The following GINS4 variants were observed in gnomAD, a reference collection of about 807,000 sequenced individuals.
GINS4 encodes the protein DNA replication complex GINS protein SLD5.
A neutral mutation model predicts 31.1 loss-of-function variants in GINS4; 20 were observed. That is an observed-to-expected ratio of 0.64 (90% CI 0.45 to 0.93). The LOEUF (loss-of-function observed/expected upper bound fraction) is 0.93, where lower values mean the gene tolerates loss of function less well. GINS4 is among the 40% of genes least tolerant of loss of function. The probability of loss-of-function intolerance (pLI) is 0.00; values close to 1 mark genes in which losing one functional copy is unlikely to be tolerated. For synonymous variants in GINS4, 85 were observed against 97.9 expected (o/e 0.87, Z 0.78); for missense variants, 245 against 273.9 (o/e 0.89, Z 0.75).
chr8:41,533,466 A>C (rs1806684035), intron 2 of GINS4, among the ~76,000 whole-genome samples: 1 of 152,156 alleles, frequency 6.6e-6, no homozygotes. Context: ...GCTGGTGGGT[A>C]AGCTGCAGTA....
At chr8:41,538,476 G>A (rs1806778756) in intron 4 of GINS4, among the ~76,000 whole-genome samples, 1 of 152,072 alleles carries the variant, frequency 6.6e-6, no homozygotes, top group African/African-American at 2.4e-5. Context: ...TCACTCACGT[G>A]GACACTAACC....
rs1278966817 is a variant in GINS4, at chr8:41,543,125, A to G, written c.*1038A>G. The G allele has an allele frequency of 1.3e-5, 2 of 152,256 alleles. No individual in the cohort carries two copies. The highest frequency in any genetic ancestry group is 2.9e-5 in the Non-Finnish European group (2 of 68,054). 9.4% of individuals were successfully genotyped at this position (152,256 alleles called of 1,614,324 possible). On this transcript the variant is annotated 3_prime_UTR_variant, in exon 8 of 8. Transcript: ENST00000276533. ...CTGTGGCCTTCTCCCGTCATACATC[A>G]TTAGACTGTGTAAACTAACATTTTA...
At chr8:41,533,793 TAG>T (rs1456047830) in intron 2 of GINS4, among the ~76,000 whole-genome samples, 1 of 152,236 alleles carries the variant, frequency 6.6e-6, no homozygotes, top group Non-Finnish European at 1.5e-5. Flanking sequence ...TTCTTAATTC[TAG>T]AGGCTGAGGT....
At chr8:41,536,564 A>C (rs896006328) in intron 3 of GINS4, 118 bp downstream of exon 3, 3 of 634,186 alleles carry the variant, frequency 4.7e-6, no homozygotes, top group Non-Finnish European at 8.5e-6. Flanking sequence ...CTCACAGTCC[A>C]GTTCTTTAAA....
At position 41,537,363 on chromosome 8, in the gene GINS4, A is replaced by G. The variant is rs565097091; in HGVS notation, c.297+70A>G. The G allele has an allele frequency of 4.0e-4, 474 of 1,189,292 alleles. 1 individual carries two copies. In the African/African-American group the frequency reaches 5.8e-3, roughly 14 times the overall value. The allele number at this position is 1,189,292 out of a possible 1,614,324, so 73.7% of individuals were successfully genotyped here. Reference sequence around the variant, plus strand: ...TAATGCAGACTGAATGTCCTGGGGAAAACTTGGGCTGGGGCCCAGGAGGGT... The same window carrying G: ...TAATGCAGACTGAATGTCCTGGGGAGAACTTGGGCTGGGGCCCAGGAGGGT... On this transcript the variant is annotated intron_variant, in intron 4 of 7. Transcript: ENST00000276533.
At chr8:41,539,439 A>G (rs1585623191) in intron 4 of GINS4, among the ~76,000 whole-genome samples, 1 of 150,962 alleles carries the variant, frequency 6.6e-6, no homozygotes, top group East Asian at 2.0e-4. Context: ...TTCTTTTTTC[A>G]GCCACTTAGG....
chr8:41,540,717 C>T (rs1175397764), intron 6 of GINS4, among the ~76,000 whole-genome samples: 1 of 152,234 alleles, frequency 6.6e-6, no homozygotes, highest in Non-Finnish European at 1.5e-5. Context: ...CCTCCTCAGG[C>T]AAAATTGCCA....
chr8:41,534,736 G>A (rs550746384), intron 2 of GINS4, among the ~76,000 whole-genome samples: 1 of 151,282 alleles, frequency 6.6e-6, no homozygotes, highest in East Asian at 2.0e-4. Flanking sequence ...GACACACAGG[G>A]TCTTTTTTTT....
chr8:41,534,813 ACCTCTGCCTCCCAGGTTCAAGCAGTTCTG>A lies in GINS4; in HGVS notation c.97-1542_97-1514del, dbSNP rs1161121651. 1.9e-4 allele frequency among the ~76,000 whole-genome samples: 29 copies of A among 151,968 alleles called. 1 individual carries two copies. The highest frequency in any genetic ancestry group is 6.7e-4 in the African/African-American group (28 of 41,508). On this transcript the variant is annotated intron_variant, in intron 2 of 7. Coordinates refer to ENST00000276533, the MANE Select transcript of GINS4 (RefSeq NM_032336.3). ...AGTGGTGCAATCTTGGCTCACTGCA[ACCTCTGCCTCCCAGGTTCAAGCAGTTCTG>A]CCTCAGCCTCCCAAGTAGCTGGGAC...
In GINS4 at chr8:41,539,860, A is replaced by T. The variant is rs1043880257; in HGVS notation, c.396-56A>T. 3.8e-6 allele frequency: 6 copies of T among 1,590,516 alleles called. No individual in the cohort carries two copies. In the African/African-American group the frequency reaches 6.7e-5, roughly 18 times the overall value. ...GAGGCCTGTGCGCTGCTGCCTGCTA[A>T]CCTTGGACGTCCATCAGCTGTGTAC... On this transcript the variant is annotated intron_variant, in intron 5 of 7. Coordinates refer to ENST00000276533, the MANE Select transcript of GINS4 (RefSeq NM_032336.3).
In GINS4 at chr8:41,542,304, A is replaced by T; in HGVS notation, c.*217A>T. 1 of 560,384 alleles carries T rather than the reference A, an allele frequency of 1.8e-6. No homozygotes were observed. The highest frequency in any genetic ancestry group is 2.9e-5 in the Admixed American group (1 of 33,986). 34.7% of individuals were successfully genotyped at this position (560,384 alleles called of 1,614,324 possible). On this transcript the variant is annotated 3_prime_UTR_variant, in exon 8 of 8. Coordinates refer to ENST00000276533, the MANE Select transcript of GINS4 (RefSeq NM_032336.3). The stretch of plus-strand genomic sequence containing the variant: ...GAGGCCGGGGCAGGAGAATCGCTTG[A>T]ACCTGGGAGCAGGAGGTTGCAGTGA...
At chr8:41,534,869 ACAGGC>A (rs1806715408) in intron 2 of GINS4, among the ~76,000 whole-genome samples, 1 of 151,932 alleles carries the variant, frequency 6.6e-6, no homozygotes, top group Admixed American at 6.6e-5. Context: ...AGCTGGGACT[ACAGGC>A]GTGCCACGCC....
chr8:41,531,458 T>A (rs549635495), intron 2 of GINS4, among the ~76,000 whole-genome samples: 23 of 152,328 alleles, frequency 1.5e-4, no homozygotes, highest in African/African-American at 5.5e-4. Context: ...TTTCCAGAGC[T>A]CTCTCATGTT....
chr8:41,541,255 G>A (rs559065768), intron 6 of GINS4, among the ~76,000 whole-genome samples: 86 of 151,976 alleles, frequency 5.7e-4, no homozygotes, highest in Middle Eastern at 3.4e-3. Context: ...AAATTTTTTT[G>A]TGGAGACAGA....
rs1318540736 is a variant in GINS4, at chr8:41,544,866, T to C, written c.*2779T>C. The C allele has an allele frequency of 6.6e-6, 1 of 152,184 alleles. No homozygotes were observed. Among genetic ancestry groups the C allele is most frequent in the Non-Finnish European group, 1.5e-5 (1 of 68,046 alleles). 9.4% of individuals were successfully genotyped at this position (152,184 alleles called of 1,614,324 possible). A position where few individuals can be genotyped will look rare whatever the true frequency, so the allele number is the denominator to read the frequency against. On this transcript the variant is annotated 3_prime_UTR_variant, in exon 8 of 8. Transcript: ENST00000276533. ...CCCGGGGACCACATTGAATGACGGC[T>C]CTACGTCCTCATGCCTCCAGCTGCT...
chr8:41,541,244 A>T (rs1278032478), intron 6 of GINS4, among the ~76,000 whole-genome samples: 2 of 151,916 alleles, frequency 1.3e-5, no homozygotes, highest in East Asian at 1.9e-4. Flanking sequence ...TATTATTTTT[A>T]AAATTTTTTT....
At chr8:41,537,326 C>A in intron 4 of GINS4, 33 bp downstream of exon 4, 1 of 1,451,688 alleles carries the variant, frequency 6.9e-7, no homozygotes, top group Non-Finnish European at 9.6e-7. Context: ...GGGATTGAGA[C>A]AGCACAGTCT....
intron 1 of GINS4, 48 bp from the exon 2 acceptor site, chr8:41,530,136 A>T (rs960203644): frequency 8.4e-7 from 1 of 1,188,676 alleles, no homozygotes. Flanking sequence ...GTTCTTGCAG[A>T]TAATTAGAAA....
At position 41,542,990 on chromosome 8, in the gene GINS4, A is replaced by G. The variant is rs1031891958; in HGVS notation, c.*903A>G. 2.6e-5 allele frequency: 4 copies of G among 152,214 alleles called. No homozygotes were observed. Among genetic ancestry groups the G allele is most frequent in the African/African-American group, 9.6e-5 (4 of 41,458 alleles). 9.4% of individuals were successfully genotyped at this position (152,214 alleles called of 1,614,324 possible). A position where few individuals can be genotyped will look rare whatever the true frequency, so the allele number is the denominator to read the frequency against. Reference sequence around the variant, plus strand: ...AAGTCAGGCAGAAGTAGTTCATAAGAAGGCATCACTGCCTGTGATCGGGGC... The same window carrying G: ...AAGTCAGGCAGAAGTAGTTCATAAGGAGGCATCACTGCCTGTGATCGGGGC... On this transcript the variant is annotated 3_prime_UTR_variant, in exon 8 of 8. Transcript: ENST00000276533.
Sources: gnomAD v4.1 joint callset for allele counts (sites outside exome capture counted in the v4.1 genomes callset) on GRCh38, gnomAD v4.1.1 for gene constraint, MANE v1.5 for transcripts, NCBI Gene and HGNC (gene_info 2026-07-23, HGNC 2026-07-21) for gene names.